CLCN1: variants seen among roughly 807,000 people sequenced by gnomAD.
CLCN1 encodes chloride voltage-gated channel 1, also known as chloride channel protein 1.
In CLCN1, 100 loss-of-function variants were observed where a neutral mutation model predicts 114.5. That is an observed-to-expected ratio of 0.87 (90% CI 0.74 to 1.03). The LOEUF (loss-of-function observed/expected upper bound fraction) is 1.03, where lower values mean the gene tolerates loss of function less well. Ranked by LOEUF, CLCN1 falls within the 50% of genes least tolerant of loss-of-function variation. The pLI is 0.00. For synonymous variants in CLCN1, 485 were observed against 487.1 expected, an observed-to-expected ratio of 1.00 and a Z score of 0.06; for missense variants, 1,188 against 1,250.0, an observed-to-expected ratio of 0.95 and a Z score of 0.75.
chr7:143,350,803 G>C lies in CLCN1; in HGVS notation c.2595+149G>C. On this transcript the variant is annotated intron_variant, in intron 22 of 22. Transcript: ENST00000343257. The surrounding 1 kb of genome is among the most constrained non-coding windows in gnomAD (Gnocchi z 5.1). Reference sequence around the variant, plus strand: ...TTCTTTTTTTTTTTTTTGAGACAGAGTTTCACTCTTGTCGCCCAGGCTGGA... The same window carrying C: ...TTCTTTTTTTTTTTTTTGAGACAGACTTTCACTCTTGTCGCCCAGGCTGGA... 4.6e-6 allele frequency: 3 copies of C among 653,902 alleles called. No individual in the cohort carries two copies. Among genetic ancestry groups the C allele is most frequent in the Middle Eastern group, 4.3e-4 (1 of 2,336 alleles). 40.5% of individuals were successfully genotyped at this position (653,902 alleles called of 1,614,324 possible).
rs370524986 is a variant in CLCN1 at position 143,330,763 on chromosome 7, C to G, written c.854-9C>G. 6.2e-6 allele frequency: 10 copies of G among 1,613,966 alleles called. No individual in the cohort carries two copies. In the African/African-American group the frequency reaches 1.2e-4, roughly 19 times the overall value. On this transcript the variant is annotated splice_polypyrimidine_tract_variant and intron_variant, in intron 7 of 22. Coordinates refer to ENST00000343257, the MANE Select transcript of CLCN1 (RefSeq NM_000083.3). ...GGCTGCCCCCAACCACACTTCTGTG[C>G]CCCTGCAGGAGTGCTATTTAGCATC...
At chr7:143,344,748 A>AG (rs201315869) in intron 16 of CLCN1, among the ~76,000 whole-genome samples, 1,131 of 111,556 alleles carry the variant, frequency 0.01, 25 homozygotes, top group African/African-American at 0.04. Context: ...TTATCCTAGC[A>AG]GGGTTTTTTT....
In CLCN1 at chr7:143,323,678, C is replaced by A. The variant is rs757703101; in HGVS notation, c.774+292C>A. ...CTCTCCCTGCTAGTCCATACCACCC[C>A]CTCTGTGTTAGTTTCCCTCCACGTT... On this transcript the variant is annotated intron_variant, in intron 6 of 22. Transcript: ENST00000343257. 22 of 588,630 alleles carry A rather than the reference C, an allele frequency of 3.7e-5. 1 individual carries two copies. The East Asian group carries it at 4.9e-4, about 13-fold the overall frequency. The allele number at this position is 588,630 out of a possible 1,614,324, so 36.5% of individuals were successfully genotyped here.
intron 1 of CLCN1, among the ~76,000 whole-genome samples, chr7:143,316,976 C>A (rs918404628): frequency 6.6e-6 from 1 of 152,150 alleles, no homozygotes; most frequent in African/African-American, 2.4e-5. Flanking sequence ...AAGTGTTAGG[C>A]ACCTGGAAAA....
intron 12 of CLCN1, among the ~76,000 whole-genome samples, chr7:143,335,446 A>T (rs373022768): frequency 1.4e-4 from 22 of 152,316 alleles, no homozygotes; most frequent in African/African-American, 5.3e-4. Context: ...CAAATCTATG[A>T]TATTCCCTGG....
chr7:143,319,154 G>A (rs1802363188), intron 1 of CLCN1, among the ~76,000 whole-genome samples: 1 of 152,212 alleles, frequency 6.6e-6, no homozygotes, highest in Non-Finnish European at 1.5e-5. Flanking sequence ...CTAGCTGTGG[G>A]AAGAAGTAGA....
At chr7:143,343,150 T>C (rs1803134452) in intron 16 of CLCN1, among the ~76,000 whole-genome samples, 1 of 152,204 alleles carries the variant, frequency 6.6e-6, no homozygotes, top group African/African-American at 2.4e-5. Context: ...TTCACAGATA[T>C]TGTGGATTAA....
rs769234789 is a variant in CLCN1, at chr7:143,332,528, G to A, written c.1251+25G>A. 1.9e-6 allele frequency: 3 copies of A among 1,590,906 alleles called. No homozygotes were observed. In the African/African-American group the frequency reaches 4.0e-5, roughly 21 times the overall value. On this transcript the variant is annotated intron_variant, in intron 11 of 22. Transcript: ENST00000343257. The stretch of plus-strand genomic sequence containing the variant: ...GGTCAGCTGTTGGTGGGGCCACATG[G>A]TAAAGAGGAAACAGCACAGATATAC...
intron 3 of CLCN1, 102 bp downstream of exon 3, chr7:143,320,897 G>A: frequency 1.4e-6 from 2 of 1,411,062 alleles, no homozygotes. Context: ...GGTGTGTTAT[G>A]GGAAGCGAAT....
At chr7:143,325,693 G>A (rs529118940) in intron 7 of CLCN1, among the ~76,000 whole-genome samples, 1 of 152,236 alleles carries the variant, frequency 6.6e-6, no homozygotes, top group South Asian at 2.1e-4. Context: ...GACTTCTGTT[G>A]TTTTGTTTTA....
At position 143,338,828 on chromosome 7, in the gene CLCN1, C is replaced by T. The variant is rs73172422; in HGVS notation, c.1402-425C>T. Among the ~76,000 whole-genome samples, 1,401 of 150,400 alleles carry T rather than the reference C, an allele frequency of 9.3e-3. 12 individuals are homozygous for T. Among genetic ancestry groups the T allele is most frequent in the Middle Eastern group, 0.014 (4 of 286 alleles). On this transcript the variant is annotated intron_variant, in intron 12 of 22. Transcript: ENST00000343257. ...AAAAAAGAAAAAAAAAAAACCGGAGCGCCTTTTCAGAAATATAACCTGAGT... is the reference window on the plus strand; with the variant it reads ...AAAAAAGAAAAAAAAAAAACCGGAGTGCCTTTTCAGAAATATAACCTGAGT...
chr7:143,344,798 T>C (rs1803184102), intron 16 of CLCN1, among the ~76,000 whole-genome samples: 1 of 150,458 alleles, frequency 6.6e-6, no homozygotes. Context: ...TCGCCCAGGT[T>C]GGAGTGCAGT....
intron 12 of CLCN1, among the ~76,000 whole-genome samples, chr7:143,338,127 A>T (rs1442177027): frequency 6.6e-6 from 1 of 152,194 alleles, no homozygotes; most frequent in Non-Finnish European, 1.5e-5. Context: ...TACAGGCGTG[A>T]GCCTCTGCAC....
chr7:143,346,073 T>C (rs935786700), intron 17 of CLCN1, 67 bp from the exon 18 acceptor site: 2 of 1,057,584 alleles, frequency 1.9e-6, no homozygotes, highest in East Asian at 4.7e-5. Context: ...ATCCACCAAC[T>C]GGTAAAGGCA....
At chr7:143,319,603 C>T (rs1380611051) in intron 1 of CLCN1, 152 bp from the exon 2 acceptor site, 7 of 789,400 alleles carry the variant, frequency 8.9e-6, no homozygotes, top group East Asian at 7.3e-5. Flanking sequence ...GAGTAGAGGG[C>T]AGGGATGACC....
intron 1 of CLCN1, 122 bp from the exon 2 acceptor site, chr7:143,319,633 A>C (rs1490752793): frequency 1.0e-6 from 1 of 1,000,418 alleles, no homozygotes; most frequent in African/African-American, 1.6e-5. Context: ...CCCTGCATGC[A>C]GTCAACACCC....
intron 5 of CLCN1, 24 bp from the exon 6 acceptor site, chr7:143,323,285 G>C: frequency 1.5e-6 from 2 of 1,370,518 alleles, no homozygotes; most frequent in Non-Finnish European, 2.1e-6. Context: ...TCTGACCCCC[G>C]CCCCCTCGCT....
chr7:143,327,550 G>T (rs979500141), intron 7 of CLCN1, among the ~76,000 whole-genome samples: 1 of 152,202 alleles, frequency 6.6e-6, no homozygotes, highest in East Asian at 1.9e-4. Flanking sequence ...ACAAGAAGAC[G>T]ATTGTCATAG....
intron 19 of CLCN1, 78 bp downstream of exon 19, chr7:143,346,736 C>A: frequency 7.5e-7 from 1 of 1,337,364 alleles, no homozygotes; most frequent in Non-Finnish European, 1.1e-6. Context: ...GTTCTTAAAT[C>A]AGGAAGGCAG....
Sources: allele counts gnomAD v4.1 joint callset (sites outside exome capture counted in the v4.1 genomes callset), GRCh38; gene constraint gnomAD v4.1.1; non-coding constraint Gnocchi (gnomAD v3.1); transcripts MANE v1.5; gene names NCBI Gene and HGNC (gene_info 2026-07-23, HGNC 2026-07-21).